The following CDH13 variants were observed in gnomAD, a reference collection of about 807,000 sequenced individuals.
CDH13 encodes cadherin 13, also known as cadherin-13.
A neutral mutation model predicts 63.8 loss-of-function variants in CDH13; 24 were observed. The ratio of observed to expected loss-of-function variants is 0.38; its 90% CI spans 0.27 to 0.53. The LOEUF (loss-of-function observed/expected upper bound fraction) is 0.53. CDH13 is among the 20% of genes least tolerant of loss of function. The pLI, the probability that CDH13 is intolerant of heterozygous loss-of-function variation, is 0.85. For missense variants in CDH13, 1,049 were observed against 903.1 expected (o/e 1.16, Z -2.07); for synonymous variants, 503 against 355.3 (o/e 1.42, Z -4.67).
At chr16:82,718,031 C>A (rs1955284184) in intron 1 of CDH13, among the ~76,000 whole-genome samples, 1 of 152,190 alleles carries the variant, frequency 6.6e-6, no homozygotes, top group South Asian at 2.1e-4. Flanking sequence ...AGAAGCAGAC[C>A]CTGCAACGAT....
chr16:82,793,093 C>T (rs185564496), intron 1 of CDH13, among the ~76,000 whole-genome samples: 3 of 152,334 alleles, frequency 2.0e-5, no homozygotes, highest in Admixed American at 1.3e-4. Flanking sequence ...CCTCATAGCA[C>T]TAAGGCATTT....
intron 2 of CDH13, among the ~76,000 whole-genome samples, chr16:83,002,388 G>T (rs1167851700): frequency 6.6e-6 from 1 of 152,162 alleles, no homozygotes; most frequent in African/African-American, 2.4e-5. Context: ...AAGGCAAGGG[G>T]TGGAATCTCC....
chr16:82,959,833 A>T (rs746749573), intron 2 of CDH13, among the ~76,000 whole-genome samples: 5 of 152,174 alleles, frequency 3.3e-5, no homozygotes, highest in Admixed American at 6.5e-5. Flanking sequence ...GTTTGCTTCC[A>T]GTTTTAGCAT....
intron 4 of CDH13, among the ~76,000 whole-genome samples, chr16:83,187,680 T>G (rs1220893762): frequency 2.0e-5 from 3 of 152,134 alleles, no homozygotes; most frequent in Non-Finnish European, 4.4e-5. Flanking sequence ...AGCTACATGA[T>G]GAGGACTGCT....
intron 1 of CDH13, chr16:82,844,563 T>C (rs979939952): frequency 1.4e-5 from 2 of 146,038 alleles, no homozygotes; most frequent in Non-Finnish European, 3.0e-5. Context: ...ATCGCGCCAC[T>C]GCACTCCAGC....
intron 5 of CDH13, among the ~76,000 whole-genome samples, chr16:83,254,278 C>T (rs538873453): frequency 2.0e-5 from 3 of 152,332 alleles, no homozygotes; most frequent in Admixed American, 1.3e-4. Context: ...GTATAGCTCA[C>T]TGCTTAGCAT....
At chr16:83,186,402 G>C (rs945405356) in intron 4 of CDH13, among the ~76,000 whole-genome samples, 2 of 152,018 alleles carry the variant, frequency 1.3e-5, no homozygotes, top group African/African-American at 4.8e-5. Flanking sequence ...CTCCCAAAGT[G>C]CTGGGATTAC....
At chr16:83,531,967 C>T (rs1567742323) in intron 7 of CDH13, among the ~76,000 whole-genome samples, 1 of 152,172 alleles carries the variant, frequency 6.6e-6, no homozygotes, top group African/African-American at 2.4e-5. Flanking sequence ...CCACAATTCC[C>T]ATGTGTTATG....
At chr16:83,315,024 G>A (rs1031313632) in intron 5 of CDH13, among the ~76,000 whole-genome samples, 6 of 152,178 alleles carry the variant, frequency 3.9e-5, no homozygotes, top group Non-Finnish European at 5.9e-5. Flanking sequence ...CTTTGGACAA[G>A]GCACTTATAT....
intron 5 of CDH13, among the ~76,000 whole-genome samples, chr16:83,309,577 A>G (rs1017911139): frequency 6.6e-6 from 1 of 151,524 alleles, no homozygotes; most frequent in Non-Finnish European, 1.5e-5. Flanking sequence ...GGGTTTCACC[A>G]TGTTGGTCAG....
intron 11 of CDH13, among the ~76,000 whole-genome samples, chr16:83,754,776 C>A (rs1201730199): frequency 6.6e-6 from 1 of 152,148 alleles, no homozygotes; most frequent in Non-Finnish European, 1.5e-5. Flanking sequence ...TGAAACTGTA[C>A]ATTCAATTAA....
chr16:83,324,159 C>T (rs1270525488), intron 5 of CDH13, among the ~76,000 whole-genome samples: 1 of 151,950 alleles, frequency 6.6e-6, no homozygotes, highest in Non-Finnish European at 1.5e-5. Flanking sequence ...GCCTCAGCCT[C>T]CTGAGTATCT....
chr16:83,512,809 C>T (rs900834631), intron 7 of CDH13, among the ~76,000 whole-genome samples: 7 of 152,198 alleles, frequency 4.6e-5, no homozygotes, highest in East Asian at 1.9e-4. Flanking sequence ...GAGATCCTGT[C>T]GGTAAAACAC....
intron 5 of CDH13, among the ~76,000 whole-genome samples, chr16:83,284,791 A>G (rs911023021): frequency 6.6e-6 from 1 of 152,170 alleles, no homozygotes; most frequent in Non-Finnish European, 1.5e-5. Context: ...ACAAAATACT[A>G]TAGTATAATA....
chr16:83,450,002 A>T (rs140379669), intron 6 of CDH13, among the ~76,000 whole-genome samples: 20 of 152,346 alleles, frequency 1.3e-4, no homozygotes, highest in African/African-American at 4.8e-4. Flanking sequence ...AGAGGCAGAT[A>T]GTTCCCCCGC....
Position 82,813,954 on chromosome 16 carries a change from C to A in CDH13, c.46-44408C>A, listed in dbSNP as rs184726623. Among the ~76,000 whole-genome samples the A allele has an allele frequency of 3.3e-5, 5 of 152,100 alleles. No individual in the cohort carries two copies. The East Asian group carries it at 9.7e-4, about 29-fold the overall frequency. On this transcript the variant is annotated intron_variant, in intron 1 of 13. Coordinates refer to ENST00000567109, the MANE Select transcript of CDH13 (RefSeq NM_001257.5). ...GATAATATTACCTACCTCATAAAAC[C>A]ATTGTCGAGACCCATCTATTCAGCA... is the stretch of plus-strand genomic sequence containing the variant.
chr16:82,676,176 T>G (rs145947957), intron 1 of CDH13, among the ~76,000 whole-genome samples: 1 of 152,228 alleles, frequency 6.6e-6, no homozygotes, highest in African/African-American at 2.4e-5. Flanking sequence ...ATTCATATAT[T>G]TGGTCTTTCG....
At chr16:82,984,370 C>A (rs948606845) in intron 2 of CDH13, among the ~76,000 whole-genome samples, 2 of 152,184 alleles carry the variant, frequency 1.3e-5, no homozygotes, top group African/African-American at 2.4e-5. Flanking sequence ...GTGTTTAAGA[C>A]AATGTACCTC....
At chr16:83,203,579 T>C (rs1021342150) in intron 4 of CDH13, among the ~76,000 whole-genome samples, 6 of 130,554 alleles carry the variant, frequency 4.6e-5, no homozygotes, top group Non-Finnish European at 9.3e-5. Flanking sequence ...CCCAGCTACT[T>C]GGGAGGCTGA....
Sources: allele counts gnomAD v4.1 joint callset (sites outside exome capture counted in the v4.1 genomes callset), GRCh38; gene constraint gnomAD v4.1.1; transcripts MANE v1.5; gene names NCBI Gene and HGNC (gene_info 2026-07-23, HGNC 2026-07-21).